WIPI2: variants seen among roughly 807,000 people sequenced by gnomAD.
WIPI2 encodes the protein WD repeat domain, phosphoinositide interacting 2.
In WIPI2, 28 loss-of-function variants were observed where a neutral mutation model predicts 52.3. The observed-to-expected ratio is 0.54, with a 90% CI of 0.40 to 0.73. The LOEUF is 0.73. Among genes scored for constraint, WIPI2 ranks in the 30% least tolerant of loss-of-function variants. WIPI2 has a pLI of 0.00. For missense variants in WIPI2, 506 were observed against 602.9 expected (o/e 0.84, Z 1.68); for synonymous variants, 268 against 245.0 (o/e 1.09, Z -0.88).
At chr7:5,218,853 G>A (rs1376227598) in intron 7 of WIPI2, 1 of 151,904 alleles carries the variant, frequency 6.6e-6, no homozygotes, top group Non-Finnish European at 1.5e-5. Context: ...TCTTGAGGTC[G>A]CGTCTGTTCT....
chr7:5,200,910 T>C (rs4591933), intron 3 of WIPI2, among the ~76,000 whole-genome samples: 97,946 of 152,142 alleles, frequency 0.64, 31,948 homozygotes, highest in East Asian at 0.7. Flanking sequence ...TCAGCGTCCC[T>C]GACTCATGGC....
At chr7:5,199,503 C>G in intron 2 of WIPI2, 73 bp from the exon 3 acceptor site, 1 of 1,360,732 alleles carries the variant, frequency 7.3e-7, no homozygotes, top group Non-Finnish European at 1.0e-6. Flanking sequence ...TCGCTGGGAA[C>G]GTGGGAGCTG....
At chr7:5,214,379 G>A (rs745713124) in intron 3 of WIPI2, 156 bp from the exon 4 acceptor site, 43 of 1,601,760 alleles carry the variant, frequency 2.7e-5, no homozygotes, top group Non-Finnish European at 3.3e-5. Flanking sequence ...TCAGACCCCC[G>A]GGCTGTCCCC....
At chr7:5,215,220 A>G (rs1319273657) in intron 4 of WIPI2, among the ~76,000 whole-genome samples, 1 of 152,164 alleles carries the variant, frequency 6.6e-6, no homozygotes, top group Non-Finnish European at 1.5e-5. Context: ...CTGAGGCAGG[A>G]AAATCGCTTG....
intron 1 of WIPI2, chr7:5,190,932 C>G (rs1781452275): frequency 1.9e-5 from 3 of 159,228 alleles, no homozygotes; most frequent in Admixed American, 6.5e-5. Context: ...GGCCCTTCTC[C>G]TTGTCTTTTC....
intron 1 of WIPI2, 63 bp from the exon 2 acceptor site, chr7:5,193,053 AGT>A (rs770982928): frequency 6.7e-7 from 1 of 1,486,646 alleles, no homozygotes; most frequent in Non-Finnish European, 9.4e-7. Context: ...CTATCCTAAA[AGT>A]GTGCATAAGT....
chr7:5,196,520 C>T (rs1482851820), intron 2 of WIPI2, among the ~76,000 whole-genome samples: 1 of 152,072 alleles, frequency 6.6e-6, no homozygotes, highest in Non-Finnish European at 1.5e-5. Context: ...TATCCTAAAT[C>T]AGCTTCCAAA....
At chr7:5,221,576 A>G (rs1264980923) in intron 7 of WIPI2, among the ~76,000 whole-genome samples, 2 of 152,180 alleles carry the variant, frequency 1.3e-5, no homozygotes, top group African/African-American at 4.8e-5. Flanking sequence ...TTAATATTAA[A>G]GCATTCAAAG....
At chr7:5,202,805 C>G (rs1782094574) in intron 3 of WIPI2, among the ~76,000 whole-genome samples, 1 of 152,162 alleles carries the variant, frequency 6.6e-6, no homozygotes, top group African/African-American at 2.4e-5. Context: ...ACATAATGCA[C>G]AAAATGTGGT....
chr7:5,230,406 C>G lies in WIPI2; in HGVS notation c.1253-429C>G, dbSNP rs1252389227. ...TTCTTAAAAAAGCCAACTCGCACTCCAGTGGGAGAGCCTGTGGTTTTGCAC... is the reference window on the plus strand; with the variant it reads ...TTCTTAAAAAAGCCAACTCGCACTCGAGTGGGAGAGCCTGTGGTTTTGCAC... On this transcript the variant is annotated intron_variant, in intron 12 of 12. Coordinates refer to ENST00000288828, the MANE Select transcript of WIPI2 (RefSeq NM_015610.4). This position sits in a 1 kb window ranked among gnomAD's most constrained non-coding sequence, Gnocchi z 4.8. Among the ~76,000 whole-genome samples, 1 of 152,224 alleles carries G rather than the reference C, an allele frequency of 6.6e-6. No homozygotes were observed. Among genetic ancestry groups the G allele is most frequent in the African/African-American group, 2.4e-5 (1 of 41,454 alleles).
chr7:5,214,508 C>T (rs200577510), intron 3 of WIPI2, 27 bp from the exon 4 acceptor site: 96 of 1,614,178 alleles, frequency 5.9e-5, no homozygotes, highest in Admixed American at 1.3e-4. Context: ...GAGATGTTCA[C>T]GCATGTACTT....
In WIPI2 at chr7:5,204,547, A is replaced by T. The variant is rs566063197; in HGVS notation, c.211+4889A>T. ...TAATACATTAGAAAAATGGCAACAA[A>T]CCTAAACTACTAGCAATATATAAAA... On this transcript the variant is annotated intron_variant, in intron 3 of 12. Transcript: ENST00000288828. Among the ~76,000 whole-genome samples, 10 of 152,288 alleles carry T rather than the reference A, an allele frequency of 6.6e-5. No homozygotes were observed. In the South Asian group the frequency reaches 2.1e-3, roughly 32 times the overall value.
chr7:5,206,692 C>T (rs1782311008), intron 3 of WIPI2, among the ~76,000 whole-genome samples: 1 of 152,180 alleles, frequency 6.6e-6, no homozygotes, highest in Non-Finnish European at 1.5e-5. Flanking sequence ...TGTGTATCCA[C>T]CACTTAGATT....
In WIPI2 at chr7:5,190,366, C is replaced by T. The variant is rs977828795; in HGVS notation, c.-54C>T. On this transcript the variant is annotated 5_prime_UTR_variant, in exon 1 of 13. Transcript: ENST00000288828. ...GCGCCGACCCTGAGTGCAGCCTGAC[C>T]CGCCCTCGCGCGCGCGCCCTCCCCG... 3 of 1,277,932 alleles carry T rather than the reference C, an allele frequency of 2.3e-6. No individual in the cohort carries two copies. Among genetic ancestry groups the T allele is most frequent in the Non-Finnish European group, 3.0e-6 (3 of 1,001,244 alleles). The allele number at this position is 1,277,932 out of a possible 1,614,324, so 79.2% of individuals were successfully genotyped here.
Position 5,232,183 on chromosome 7 carries a change from T to TA in WIPI2, c.*1237dup. On this transcript the variant is annotated 3_prime_UTR_variant, in exon 13 of 13. Transcript: ENST00000288828. ...TTAGAATCTATGGAGTGGTGGAAGT[T>TA]ACGGATAGAAGGGAAAAGGCAAAAA... 5.0e-6 allele frequency: 2 copies of TA among 398,806 alleles called. No individual in the cohort carries two copies. The highest frequency in any genetic ancestry group is 7.1e-5 in the East Asian group (2 of 28,078). The allele number at this position is 398,806 out of a possible 1,614,324, so 24.7% of individuals were successfully genotyped here.
At chr7:5,225,199 G>A (rs1050199073) in intron 8 of WIPI2, among the ~76,000 whole-genome samples, 2 of 151,652 alleles carry the variant, frequency 1.3e-5, no homozygotes, top group African/African-American at 4.8e-5. Context: ...GGAGTGCAGT[G>A]GTGCGATCTC....
intron 3 of WIPI2, among the ~76,000 whole-genome samples, chr7:5,209,844 C>G (rs540040579): frequency 1.3e-5 from 2 of 152,246 alleles, no homozygotes; most frequent in East Asian, 3.9e-4. Flanking sequence ...ACTTCCCTTG[C>G]CCATGCATAT....
At chr7:5,213,197 G>A (rs116124277) in intron 3 of WIPI2, 13,116 of 152,192 alleles carry the variant, frequency 0.086, 717 homozygotes, top group Middle Eastern at 0.13. Context: ...CCCCGACCCT[G>A]CCACCATCTC....
intron 8 of WIPI2, chr7:5,222,905 G>T (rs891723656): frequency 2.4e-5 from 11 of 452,402 alleles, no homozygotes; most frequent in African/African-American, 2.0e-4. Context: ...CGTGAGAGTT[G>T]TGAAGAGCTC....
Sources: allele counts gnomAD v4.1 joint callset (sites outside exome capture counted in the v4.1 genomes callset), GRCh38; gene constraint gnomAD v4.1.1; non-coding constraint Gnocchi (gnomAD v3.1); transcripts MANE v1.5; gene names NCBI Gene and HGNC (gene_info 2026-07-23, HGNC 2026-07-21).